The following RPS3 variants were observed in gnomAD, a reference collection of about 807,000 sequenced individuals.
RPS3 encodes ribosomal protein S3.
A neutral mutation model predicts 25.8 loss-of-function variants in RPS3; 2 were observed. That is an observed-to-expected ratio of 0.08 (90% confidence interval 0.03 to 0.24). RPS3 has a LOEUF of 0.24. RPS3 is among the 10% of genes least tolerant of loss of function. The probability of loss-of-function intolerance (pLI) is 1.00; values close to 1 mark genes in which losing one functional copy is unlikely to be tolerated. For missense variants in RPS3, 107 were observed against 307.1 expected, an observed-to-expected ratio of 0.35 and a Z score of 4.87; for synonymous variants, 114 against 114.2, an observed-to-expected ratio of 1.00 and a Z score of 0.01.
downstream of RPS3, among the ~76,000 whole-genome samples, chr11:75,409,737 G>A (rs1236943928): frequency 2.9e-4 from 44 of 150,918 alleles, no homozygotes; most frequent in African/African-American, 9.3e-4. Flanking sequence ...GGGCAGAGGG[G>A]CTCCTCACTT....
chr11:75,416,829 G>A (rs1948403290), intron 6 of RPS3, among the ~76,000 whole-genome samples: 2 of 152,206 alleles, frequency 1.3e-5, no homozygotes, highest in African/African-American at 4.8e-5. Context: ...ATCAGAGCTG[G>A]AAAACATTGA....
chr11:75,407,816 G>A (rs185895228), downstream of RPS3, among the ~76,000 whole-genome samples: 15 of 152,296 alleles, frequency 9.8e-5, no homozygotes, highest in East Asian at 1.5e-3. Flanking sequence ...GTACTGTGCC[G>A]TATATTAGAT....
rs1948288803 is a variant in RPS3 at position 75,406,424 on chromosome 11, C to T, written c.*814C>T. On this transcript the variant is annotated 3_prime_UTR_variant, in exon 7 of 7. Transcript: ENST00000531188. The stretch of plus-strand genomic sequence containing the variant: ...GGGGACTTCCAGGGAAAGCTGTTAT[C>T]AGGTGGCTGCTTCCTGGTGATGCAG... The T allele has an allele frequency of 6.6e-6, 1 of 152,220 alleles. No individual in the cohort carries two copies. Among genetic ancestry groups the T allele is most frequent in the Admixed American group, 6.5e-5 (1 of 15,268 alleles). 9.4% of individuals were successfully genotyped at this position (152,220 alleles called of 1,614,324 possible). A position where few individuals can be genotyped will look rare whatever the true frequency, so the allele number is the denominator to read the frequency against.
intron 1 of RPS3, chr11:75,399,902 T>C (rs560033745): frequency 2.6e-5 from 12 of 466,190 alleles, no homozygotes; most frequent in Non-Finnish European, 3.8e-5. Context: ...CCTCATGTCT[T>C]ATCCCGTGGT....
At chr11:75,409,587 A>G (rs1393557905), downstream of RPS3, among the ~76,000 whole-genome samples, 4 of 141,334 alleles carry the variant, frequency 2.8e-5, no homozygotes, top group Non-Finnish European at 6.2e-5. Flanking sequence ...GTCTACTTCT[A>G]TCCACACAGA....
chr11:75,403,984 G>A (rs920225262), intron 4 of RPS3, 36 bp from the exon 5 acceptor site: 4 of 1,584,066 alleles, frequency 2.5e-6, no homozygotes, highest in Non-Finnish European at 3.4e-6. Context: ...GAGGTCCTTG[G>A]CAATAACACA....
chr11:75,411,906 G>T (rs774139228), downstream of RPS3, among the ~76,000 whole-genome samples: 3 of 152,204 alleles, frequency 2.0e-5, no homozygotes, highest in Non-Finnish European at 4.4e-5. Flanking sequence ...CATTGTCAGT[G>T]TCCTTTAGGG....
intron 6 of RPS3, among the ~76,000 whole-genome samples, chr11:75,412,763 G>T (rs1948368563): frequency 6.6e-6 from 1 of 152,122 alleles, no homozygotes; most frequent in Non-Finnish European, 1.5e-5. Context: ...ACTAATCTAT[G>T]TGTTTTTATT....
Position 75,400,421 on chromosome 11 carries a change from T to C in RPS3, c.31-273T>C, listed in dbSNP as rs777272495. 4 of 559,792 alleles carry C rather than the reference T, an allele frequency of 7.1e-6. No homozygotes were observed. In the African/African-American group the frequency reaches 7.5e-5, roughly 10 times the overall value. The allele number at this position is 559,792 out of a possible 1,614,324, so 34.7% of individuals were successfully genotyped here. ...ATGAAGAGATGATGACGAGTCTGACTTGGGGATGTTCTCTTTGCCCAGGTG... is the reference window on the plus strand; with the variant it reads ...ATGAAGAGATGATGACGAGTCTGACCTGGGGATGTTCTCTTTGCCCAGGTG... On this transcript the variant is annotated intron_variant, in intron 1 of 6. Coordinates refer to ENST00000531188, the MANE Select transcript of RPS3 (RefSeq NM_001005.5).
At chr11:75,417,627 C>T (rs907569400) in intron 6 of RPS3, among the ~76,000 whole-genome samples, 1 of 152,120 alleles carries the variant, frequency 6.6e-6, no homozygotes, top group Non-Finnish European at 1.5e-5. Flanking sequence ...ATTAGTCGGG[C>T]GTGGCGGCAC....
rs373443936 is a variant in RPS3 at position 75,399,565 on chromosome 11, C to A, written c.18C>A (p.Ser6=). The A allele has an allele frequency of 6.8e-6, 11 of 1,613,740 alleles. No individual in the cohort carries two copies. The highest frequency in any genetic ancestry group is 3.3e-5 in the Admixed American group (2 of 59,990). Reference sequence around the variant, plus strand: ...GCGGCAAGATGGCAGTGCAAATATCCAAGAAGAGGAAGGTGAGCCTCTGGG... The same window carrying A: ...GCGGCAAGATGGCAGTGCAAATATCAAAGAAGAGGAAGGTGAGCCTCTGGG... MAVQI[S]KKRKFVADGI... Residue 6 remains serine (S), a synonymous_variant, in exon 1 of 7, where the codon TCC becomes TCA. Transcript: ENST00000531188.
Position 75,404,412 on chromosome 11 carries a change from C to T in RPS3, c.538+205C>T. 1 of 787,226 alleles carries T rather than the reference C, an allele frequency of 1.3e-6. No individual in the cohort carries two copies. 48.8% of individuals were successfully genotyped at this position (787,226 alleles called of 1,614,324 possible). A position where few individuals can be genotyped will look rare whatever the true frequency, so the allele number is the denominator to read the frequency against. ...GTTGGTTTGTCCTTGTTTTAGCCATCTGTGTACCCTTCAGTGATGACACGA... is the reference window on the plus strand; with the variant it reads ...GTTGGTTTGTCCTTGTTTTAGCCATTTGTGTACCCTTCAGTGATGACACGA... On this transcript the variant is annotated intron_variant, in intron 5 of 6. Transcript: ENST00000531188. The surrounding 1 kb of genome is among the most constrained non-coding windows in gnomAD (Gnocchi z 4.6).
intron 6 of RPS3, among the ~76,000 whole-genome samples, chr11:75,418,808 C>A (rs1239680190): frequency 6.6e-6 from 1 of 152,172 alleles, no homozygotes; most frequent in Non-Finnish European, 1.5e-5. Context: ...AACCCCTCAG[C>A]CTGCCCAGGT....
downstream of RPS3, among the ~76,000 whole-genome samples, chr11:75,407,074 A>C (rs1303359337): frequency 6.6e-6 from 1 of 152,334 alleles, no homozygotes; most frequent in Non-Finnish European, 1.5e-5. Flanking sequence ...CCAGAACTTC[A>C]TCTTGCAGAT....
chr11:75,407,081 A>C (rs1049639279), downstream of RPS3, among the ~76,000 whole-genome samples: 1 of 152,210 alleles, frequency 6.6e-6, no homozygotes, highest in Non-Finnish European at 1.5e-5. Context: ...TTCATCTTGC[A>C]GATGTGCTGC....
rs537489002 is a variant in RPS3 at position 75,414,341 on chromosome 11, G to A, written c.*4-7386G>A. ...CAAAGGTTACTGTCGGCCGGGTGCC[G>A]TGGCTCACGCCTGTAATCCCAGCAC... On this transcript the variant is annotated intron_variant, in intron 6 of 6. Coordinates refer to the RPS3 transcript ENST00000527446. 1.2e-4 allele frequency among the ~76,000 whole-genome samples: 19 copies of A among 152,346 alleles called. No homozygotes were observed. In the South Asian group the frequency reaches 2.9e-3, roughly 23 times the overall value.
intron 1 of RPS3, chr11:75,400,323 G>A (rs1426921698): frequency 5.8e-6 from 3 of 513,838 alleles, no homozygotes; most frequent in Non-Finnish European, 1.2e-5. Context: ...TGTCTTTGCT[G>A]TGCTGAATGA....
Position 75,405,890 on chromosome 11 carries a change from C to T in RPS3, c.*280C>T. The T allele has an allele frequency of 4.1e-6, 1 of 245,484 alleles. No homozygotes were observed. Among genetic ancestry groups the T allele is most frequent in the Non-Finnish European group, 8.3e-6 (1 of 121,182 alleles). The allele number at this position is 245,484 out of a possible 1,614,324, so 15.2% of individuals were successfully genotyped here. ...GCAAGGCAGCACCTTGATTCGTTGT[C>T]CTGTAGTTCAGGATTGTAGGTTTAG... On this transcript the variant is annotated 3_prime_UTR_variant, in exon 7 of 7. Coordinates refer to ENST00000531188, the MANE Select transcript of RPS3 (RefSeq NM_001005.5).
At chr11:75,418,560 T>C (rs531490865) in intron 6 of RPS3, among the ~76,000 whole-genome samples, 1 of 152,340 alleles carries the variant, frequency 6.6e-6, no homozygotes, top group East Asian at 1.9e-4. Context: ...TAATGCACTC[T>C]TCTTCAAGGA....
Sources: gnomAD v4.1 joint callset for allele counts (sites outside exome capture counted in the v4.1 genomes callset) on GRCh38, gnomAD v4.1.1 for gene constraint, Gnocchi (gnomAD v3.1) non-coding constraint, MANE v1.5 for transcripts, NCBI Gene and HGNC (gene_info 2026-07-23, HGNC 2026-07-21) for gene names.